Variants in ANLN observed in about 807,000 individuals in gnomAD.
The protein encoded by ANLN is anillin.
A neutral mutation model predicts 135.1 loss-of-function variants in ANLN; 59 were observed. That is an observed-to-expected ratio of 0.44 (90% CI 0.35 to 0.54). The LOEUF is 0.54. ANLN is among the 20% of genes least tolerant of loss of function. The probability of loss-of-function intolerance (pLI) is 0.00; values close to 1 mark genes in which losing one functional copy is unlikely to be tolerated. For synonymous variants in ANLN, 406 were observed against 456.4 expected (o/e 0.89, Z 1.41); for missense variants, 1,182 against 1,340.0 (o/e 0.88, Z 1.84).
At chr7:36,396,501 T>C in intron 2 of ANLN, 82 bp downstream of exon 2, 2 of 1,372,460 alleles carry the variant, frequency 1.5e-6, no homozygotes, top group Non-Finnish European at 1.9e-6. Context: ...CATTAGCATA[T>C]AGAAGAACCA....
At chr7:36,419,584 G>A in intron 10 of ANLN, 105 bp downstream of exon 10, 3 of 943,316 alleles carry the variant, frequency 3.2e-6, no homozygotes, top group Non-Finnish European at 4.7e-6. Flanking sequence ...CAGTAGCCAA[G>A]GGAATTTTGC....
chr7:36,403,814 T>C (rs1188203090), intron 3 of ANLN, among the ~76,000 whole-genome samples: 1 of 152,070 alleles, frequency 6.6e-6, no homozygotes, highest in Non-Finnish European at 1.5e-5. Flanking sequence ...CAAGCCCAGC[T>C]AAGTTTTGCA....
chr7:36,408,040 G>C (rs1344283427), intron 5 of ANLN, 84 bp downstream of exon 5: 25 of 1,090,056 alleles, frequency 2.3e-5, no homozygotes, highest in Non-Finnish European at 3.3e-5. Context: ...AATTGTGAAT[G>C]GTACAGCAAT....
chr7:36,402,713 A>T (rs1047988073), intron 3 of ANLN, among the ~76,000 whole-genome samples: 1 of 152,094 alleles, frequency 6.6e-6, no homozygotes, highest in African/African-American at 2.4e-5. Flanking sequence ...CACTCTGCTC[A>T]TGTTACTTAC....
chr7:36,419,474 C>A lies in ANLN; in HGVS notation c.1864C>A (p.Pro622Thr), dbSNP rs138337760. ...PLAQTVGVVSPESLVSTPRLE... is the reference protein window; with the variant it reads ...PLAQTVGVVSTESLVSTPRLE... ...GGCACAAACAGTTGGTGTGGTAAGT[C>A]CAGAGGTAAGAAAAGGCTAACTAAA... Residue 622 changes from proline (P) to threonine (T), a missense_variant, in exon 10 of 24, where the codon CCA (proline) becomes ACA (threonine). This residue lies in a region of ANLN where 1,022 missense variants were observed against 1,134.0 expected (regional missense o/e 0.90). Transcript: ENST00000265748. The A allele has an allele frequency of 3.1e-6, 5 of 1,612,722 alleles. No homozygotes were observed. The highest frequency in any genetic ancestry group is 1.3e-5 in the African/African-American group (1 of 75,014).
chr7:36,436,891 A>T lies in ANLN; in HGVS notation c.2884-2313A>T, dbSNP rs543267909. Reference sequence around the variant, plus strand: ...CTTTGTATATTCTGGATATTATCAGATATATAATTGACAAATATTTCAAAC... The same window carrying T: ...CTTTGTATATTCTGGATATTATCAGTTATATAATTGACAAATATTTCAAAC... On this transcript the variant is annotated intron_variant, in intron 20 of 23. Coordinates refer to ENST00000265748, the MANE Select transcript of ANLN (RefSeq NM_018685.5). 6.6e-5 allele frequency among the ~76,000 whole-genome samples: 10 copies of T among 152,320 alleles called. No homozygotes were observed. In the South Asian group the frequency reaches 8.3e-4, roughly 13 times the overall value.
intron 21 of ANLN, among the ~76,000 whole-genome samples, chr7:36,441,278 G>T (rs1422429329): frequency 3.3e-5 from 5 of 152,150 alleles, no homozygotes; most frequent in Non-Finnish European, 7.3e-5. Context: ...GAGCTTGTTA[G>T]ATCTCTTCAA....
chr7:36,410,684 T>G lies in ANLN; in HGVS notation c.1267T>G (p.Leu423Val). The G allele has an allele frequency of 5.6e-6, 9 of 1,613,972 alleles. No individual in the cohort carries two copies. Among genetic ancestry groups the G allele is most frequent in the Non-Finnish European group, 7.6e-6 (9 of 1,179,952 alleles). Residue 423 changes from leucine to valine, a missense_variant, in exon 6 of 24, where the codon TTA becomes GTA. Leu to Val is a conservative substitution (Grantham distance 32). Transcript: ENST00000265748. The part of the protein sequence containing the change: ...KQDTSSSTTH[L>V]AQQLKQERQK... ...AGACACATCTTCATCTACTACCCAT[T>G]TAGCACAACAGCTCAAGCAGGTATG...
At position 36,419,134 on chromosome 7, in the gene ANLN, T is replaced by C. The variant is rs1214305804; in HGVS notation, c.1634-110T>C. ...TTTCTTTTTAGGAGGTGCTTTTTTT[T>C]AAGGCATTTTTTCCTATTTAGTAAG... On this transcript the variant is annotated intron_variant, in intron 9 of 23. Transcript: ENST00000265748. 4.2e-6 allele frequency: 3 copies of C among 714,824 alleles called. No individual in the cohort carries two copies. In the East Asian group the frequency reaches 8.6e-5, roughly 20 times the overall value. The allele number at this position is 714,824 out of a possible 1,614,324, so 44.3% of individuals were successfully genotyped here.
At position 36,425,751 on chromosome 7, in the gene ANLN, T is replaced by G; in HGVS notation, c.2748+11T>G. 6.2e-7 allele frequency: 1 copy of G among 1,610,250 alleles called. No homozygotes were observed. The highest frequency in any genetic ancestry group is 8.5e-7 in the Non-Finnish European group (1 of 1,177,786). On this transcript the variant is annotated intron_variant, in intron 18 of 23. Transcript: ENST00000265748. ...ACATCTATAACCACAGTAAGTAGAA[T>G]TTTTGAGAAATTGAGCTTCCTTGAG...
Position 36,425,727 on chromosome 7 carries a change from C to T in ANLN, c.2735C>T (p.Thr912Ile), listed in dbSNP as rs1388927545. The T allele has an allele frequency of 3.1e-6, 5 of 1,611,778 alleles. No homozygotes were observed. The highest frequency in any genetic ancestry group is 4.2e-6 in the Non-Finnish European group (5 of 1,178,356). Residue 912 changes from threonine to isoleucine, a missense_variant, in exon 18 of 24, where the codon ACA becomes ATA. Around this residue, in one of 3 missense-constraint regions of ANLN, gnomAD observed 1,022 missense variants for 1,134.0 expected, o/e 0.90. Transcript: ENST00000265748. ...SKAITPKRLL[T>I]SITTKSNIHS... Reference sequence around the variant, plus strand: ...GCTATTACTCCAAAGCGACTCCTCACATCTATAACCACAGTAAGTAGAATT... The same window carrying T: ...GCTATTACTCCAAAGCGACTCCTCATATCTATAACCACAGTAAGTAGAATT...
chr7:36,423,751 C>T lies in ANLN; in HGVS notation c.2477-66C>T. 3.5e-6 allele frequency: 5 copies of T among 1,412,650 alleles called. No homozygotes were observed. In the South Asian group the frequency reaches 4.2e-5, roughly 12 times the overall value. 87.5% of individuals were successfully genotyped at this position (1,412,650 alleles called of 1,614,324 possible). On this transcript the variant is annotated intron_variant, in intron 14 of 23. Coordinates refer to ENST00000265748, the MANE Select transcript of ANLN (RefSeq NM_018685.5). Reference sequence around the variant, plus strand: ...ATATTCCTTTATTTCTTTGGTATTCCAGAATGCTGATTAGCTAAATCTGAT... The same window carrying T: ...ATATTCCTTTATTTCTTTGGTATTCTAGAATGCTGATTAGCTAAATCTGAT...
chr7:36,418,339 A>G (rs188064357), intron 9 of ANLN, among the ~76,000 whole-genome samples: 325 of 152,234 alleles, frequency 2.1e-3, no homozygotes, highest in Non-Finnish European at 3.3e-3. Flanking sequence ...GAAAGATAGG[A>G]GAAGATTAGA....
At chr7:36,436,971 T>C (rs1472121585) in intron 20 of ANLN, among the ~76,000 whole-genome samples, 1 of 152,208 alleles carries the variant, frequency 6.6e-6, no homozygotes, top group Non-Finnish European at 1.5e-5. Context: ...TGTGCAAAGG[T>C]CTATAATTTT....
intron 2 of ANLN, 63 bp downstream of exon 2, chr7:36,396,482 C>G: frequency 6.8e-7 from 1 of 1,479,736 alleles, no homozygotes; most frequent in Non-Finnish European, 9.1e-7. Flanking sequence ...AGACAAGCCC[C>G]AAACATTTCA....
intron 2 of ANLN, among the ~76,000 whole-genome samples, chr7:36,398,782 C>T (rs1037258431): frequency 6.6e-6 from 1 of 151,278 alleles, no homozygotes; most frequent in Admixed American, 6.6e-5. Flanking sequence ...CTCTTCCCCC[C>T]AAGTCCCCAG....
Position 36,396,358 on chromosome 7 carries a change from T to C in ANLN, c.111T>C (p.Ala37=), listed in dbSNP as rs1583590389. The C allele has an allele frequency of 6.2e-7, 1 of 1,607,902 alleles. No individual in the cohort carries two copies. Among genetic ancestry groups the C allele is most frequent in the Admixed American group, 1.7e-5 (1 of 59,908 alleles). ...CAGCTCCAAGGTCTATGACTCATGCTAAGCGAGCTAGACAGCCACTTTCAG... is the reference window on the plus strand; with the variant it reads ...CAGCTCCAAGGTCTATGACTCATGCCAAGCGAGCTAGACAGCCACTTTCAG... ...PTAAPRSMTH[A]KRARQPLSEA... The change falls in exon 2 of 24, where the codon GCT becomes GCC. Residue 37 remains alanine, a synonymous_variant. Coordinates refer to ENST00000265748, the MANE Select transcript of ANLN (RefSeq NM_018685.5).
chr7:36,390,394 A>T (rs753183348), intron 1 of ANLN: 7 of 337,044 alleles, frequency 2.1e-5, no homozygotes, highest in Non-Finnish European at 3.3e-5. Flanking sequence ...TGCTGGAAGC[A>T]GCTGGAATGC....
chr7:36,449,771 G>A lies in ANLN; in HGVS notation c.3185G>A (p.Arg1062Gln), dbSNP rs140729544. The A allele has an allele frequency of 1.9e-6, 3 of 1,613,816 alleles. No homozygotes were observed. Among genetic ancestry groups the A allele is most frequent in the African/African-American group, 1.3e-5 (1 of 74,890 alleles). The change falls in exon 23 of 24, where the codon CGA (arginine) becomes CAA (glutamine). Residue 1062 changes from arginine (R) to glutamine (Q), a missense_variant. Around this residue, in one of 3 missense-constraint regions of ANLN, gnomAD observed 82 missense variants for 133.3 expected, o/e 0.62. Transcript: ENST00000265748. The stretch of plus-strand genomic sequence containing the variant: ...AACACTTTTGAATTAATTACTGTCC[G>A]ACCACAAAGAGAAGATGACCGAGAG... The part of the protein sequence containing the change: ...RRNTFELITV[R>Q]PQREDDRETL...
Sources: allele counts gnomAD v4.1 joint callset (sites outside exome capture counted in the v4.1 genomes callset), GRCh38; gene constraint gnomAD v4.1.1; regional missense constraint gnomAD v4.1.1; transcripts MANE v1.5; gene names NCBI Gene and HGNC (gene_info 2026-07-23, HGNC 2026-07-21).